The following LRPAP1 variants were observed in gnomAD, a reference collection of about 807,000 sequenced individuals.
LRPAP1 encodes alpha-2-macroglobulin receptor-associated protein.
A neutral mutation model predicts 39.9 loss-of-function variants in LRPAP1; 41 were observed. That is an observed-to-expected ratio of 1.03 (90% confidence interval 0.80 to 1.33). LRPAP1 has a LOEUF of 1.33. LRPAP1 is among the 40% of genes most tolerant of loss of function. LRPAP1 has a pLI of 0.00. For synonymous variants in LRPAP1, 263 were observed against 212.7 expected (o/e 1.24, Z -2.06); for missense variants, 565 against 482.3 (o/e 1.17, Z -1.61).
intron 2 of LRPAP1, among the ~76,000 whole-genome samples, chr4:3,521,637 C>G (rs969361852): frequency 6.6e-6 from 1 of 152,198 alleles, no homozygotes; most frequent in Non-Finnish European, 1.5e-5. Context: ...CCACACGCAG[C>G]ATGTGCTTCT....
intron 1 of LRPAP1, 125 bp from the exon 2 acceptor site, chr4:3,525,176 G>T (rs901120478): frequency 9.5e-7 from 1 of 1,054,698 alleles, no homozygotes; most frequent in Non-Finnish European, 1.4e-6. Context: ...TGGAGTCAGG[G>T]TCACTGTCAG....
chr4:3,518,940 C>T lies in LRPAP1; in HGVS notation c.523G>A (p.Glu175Lys). The T allele has an allele frequency of 6.2e-7, 1 of 1,614,022 alleles. No individual in the cohort carries two copies. Among genetic ancestry groups the T allele is most frequent in the Non-Finnish European group, 8.5e-7 (1 of 1,179,986 alleles). Residue 175 changes from glutamate (E) to lysine (K), a missense_variant, in exon 4 of 8, where the codon GAG (glutamate) becomes AAG (lysine). By Grantham distance (56) the Glu-to-Lys change is moderately conservative. Transcript: ENST00000650182. ...ACTTTCTCTTTGTGATGCAGGAACTCCCGCCAGAGCTTGTCCAGTTCTTCG... is the reference window on the plus strand; with the variant it reads ...ACTTTCTCTTTGTGATGCAGGAACTTCCGCCAGAGCTTGTCCAGTTCTTCG... ...SGEELDKLWR[E>K]FLHHKEKVHE... is the part of the protein sequence containing the mutation.
intron 2 of LRPAP1, among the ~76,000 whole-genome samples, chr4:3,523,303 T>C (rs1415638334): frequency 6.6e-6 from 1 of 152,202 alleles, no homozygotes; most frequent in Admixed American, 6.5e-5. Context: ...CCCTTGGGAA[T>C]GGCCCACTAG....
At chr4:3,525,425 T>C (rs986066238) in intron 1 of LRPAP1, among the ~76,000 whole-genome samples, 3 of 151,116 alleles carry the variant, frequency 2.0e-5, no homozygotes, top group Non-Finnish European at 2.9e-5. Flanking sequence ...CAGATACATA[T>C]TGCAAGGACA....
rs539476499 is a variant in LRPAP1 at position 3,523,008 on chromosome 4, T to C, written c.349+1899A>G. The stretch of plus-strand genomic sequence containing the variant: ...CGGGGAACTGGCCAGGACGAGCCTC[T>C]TTCCTGAGTGTGGGCAGGGTCTGCT... On this transcript the variant is annotated intron_variant, in intron 2 of 7. Coordinates refer to ENST00000650182, the MANE Select transcript of LRPAP1 (RefSeq NM_002337.4). 2.1e-3 allele frequency among the ~76,000 whole-genome samples: 323 copies of C among 152,248 alleles called. 1 individual carries two copies. Among genetic ancestry groups the C allele is most frequent in the African/African-American group, 7.4e-3 (309 of 41,534 alleles).
intron 2 of LRPAP1, among the ~76,000 whole-genome samples, chr4:3,524,323 C>T (rs981244548): frequency 7.2e-5 from 11 of 152,230 alleles, no homozygotes; most frequent in Non-Finnish European, 1.3e-4. Flanking sequence ...CCCACAGGGA[C>T]GAGGACTCAC....
Position 3,511,098 on chromosome 4 carries a change from C to G in LRPAP1, c.*1876G>C, listed in dbSNP as rs1416107972. The G allele has an allele frequency of 6.6e-6, 1 of 152,252 alleles. No individual in the cohort carries two copies. Among genetic ancestry groups the G allele is most frequent in the Non-Finnish European group, 1.5e-5 (1 of 68,062 alleles). The allele number at this position is 152,252 out of a possible 1,614,324, so 9.4% of individuals were successfully genotyped here. A position where few individuals can be genotyped will look rare whatever the true frequency, so the allele number is the denominator to read the frequency against. ...GCTGTCCATAATTAAAAATACCGAGCACCAAGTCTCAGCAATCCACTAGTG... is the reference window on the plus strand; with the variant it reads ...GCTGTCCATAATTAAAAATACCGAGGACCAAGTCTCAGCAATCCACTAGTG... On this transcript the variant is annotated 3_prime_UTR_variant, in exon 8 of 8. Coordinates refer to ENST00000650182, the MANE Select transcript of LRPAP1 (RefSeq NM_002337.4).
rs1235107793 is a variant in LRPAP1 at position 3,504,194 on chromosome 4, A to AGAC, written c.*8779_*8780insGTC. On this transcript the variant is annotated 3_prime_UTR_variant, in exon 8 of 8. Coordinates refer to ENST00000650182, the MANE Select transcript of LRPAP1 (RefSeq NM_002337.4). ...TCTGGCCTGCGGCCCTTCAGGGGTC[A>AGAC]GCATGACTTGTGTGGGTCAGAAAGC... The AGAC allele has an allele frequency of 6.6e-6, 1 of 152,340 alleles. No individual in the cohort carries two copies. Among genetic ancestry groups the AGAC allele is most frequent in the African/African-American group, 2.4e-5 (1 of 41,476 alleles). The allele number at this position is 152,340 out of a possible 1,614,324, so 9.4% of individuals were successfully genotyped here.
intron 5 of LRPAP1, among the ~76,000 whole-genome samples, chr4:3,516,438 C>A (rs949636362): frequency 9.4e-6 from 1 of 106,650 alleles, no homozygotes; most frequent in Non-Finnish European, 2.1e-5. Context: ...ACAACTGCTT[C>A]TCCTTTGTGT....
At chr4:3,514,283 G>A (rs1577203348) in intron 7 of LRPAP1, among the ~76,000 whole-genome samples, 1 of 152,244 alleles carries the variant, frequency 6.6e-6, no homozygotes, top group Non-Finnish European at 1.5e-5. Flanking sequence ...GCTCCCTCCA[G>A]AAAGAACTTG....
chr4:3,522,231 G>A (rs1190579363), intron 2 of LRPAP1, among the ~76,000 whole-genome samples: 1 of 152,226 alleles, frequency 6.6e-6, no homozygotes, highest in Admixed American at 6.5e-5. Context: ...GACGGGGAGG[G>A]TGGGCCATGT....
In LRPAP1 at chr4:3,532,355, G is replaced by A. The variant is rs759782230; in HGVS notation, c.58C>T (p.Leu20=). The A allele has an allele frequency of 6.3e-7, 1 of 1,593,810 alleles. No individual in the cohort carries two copies. Among genetic ancestry groups the A allele is most frequent in the Non-Finnish European group, 8.5e-7 (1 of 1,170,630 alleles). ...GCGGGCCAGGGCCCGAGGAAGAGCA[G>A]CAGCAGTAGCAGCGCCGGGAGCCCG... ...LRGLPALLLL[L]LFLGPWPAAS... The change falls in exon 1 of 8, where the codon CTG becomes TTG. Residue 20 remains leucine, a synonymous_variant. Coordinates refer to ENST00000650182, the MANE Select transcript of LRPAP1 (RefSeq NM_002337.4).
At chr4:3,531,402 C>G (rs1730248389) in intron 1 of LRPAP1, among the ~76,000 whole-genome samples, 1 of 152,222 alleles carries the variant, frequency 6.6e-6, no homozygotes, top group African/African-American at 2.4e-5. Flanking sequence ...GAGATCTAAT[C>G]TGACTCCTGC....
At chr4:3,527,152 A>T (rs1730102624) in intron 1 of LRPAP1, among the ~76,000 whole-genome samples, 1 of 152,048 alleles carries the variant, frequency 6.6e-6, no homozygotes. Context: ...GGATTGTCCC[A>T]ACCTGAAAAC....
intron 5 of LRPAP1, among the ~76,000 whole-genome samples, chr4:3,516,403 G>A (rs990972572): frequency 1.1e-5 from 1 of 94,062 alleles, no homozygotes; most frequent in African/African-American, 3.4e-5. Context: ...TCGCTGAAAT[G>A]TGGCTTCTCT....
rs2108686459 is a variant in LRPAP1 at position 3,512,200 on chromosome 4, G to A, written c.*774C>T. On this transcript the variant is annotated 3_prime_UTR_variant, in exon 8 of 8. Coordinates refer to ENST00000650182, the MANE Select transcript of LRPAP1 (RefSeq NM_002337.4). ...GCCAGTCCATCAGCTATGGTCAGAG[G>A]AAGGCCTCCGTGGCTGTCTCTCCCC... 6.6e-6 allele frequency: 1 copy of A among 152,498 alleles called. No homozygotes were observed. Among genetic ancestry groups the A allele is most frequent in the South Asian group, 2.1e-4 (1 of 4,848 alleles). The allele number at this position is 152,498 out of a possible 1,614,324, so 9.4% of individuals were successfully genotyped here.
Position 3,512,096 on chromosome 4 carries a change from G to A in LRPAP1, c.*878C>T, listed in dbSNP as rs1296472965. On this transcript the variant is annotated 3_prime_UTR_variant, in exon 8 of 8. Transcript: ENST00000650182. ...CTCTTCCAGGCTCAGACACGGGAAG[G>A]GAACCACGCCTGGAGCCAGACCCGA... The A allele has an allele frequency of 2.0e-5, 3 of 150,258 alleles. No homozygotes were observed. The highest frequency in any genetic ancestry group is 4.4e-5 in the Non-Finnish European group (3 of 67,558). The allele number at this position is 150,258 out of a possible 1,614,324, so 9.3% of individuals were successfully genotyped here.
intron 2 of LRPAP1, among the ~76,000 whole-genome samples, chr4:3,524,522 A>C (rs1416803472): frequency 6.6e-6 from 1 of 152,202 alleles, no homozygotes; most frequent in Non-Finnish European, 1.5e-5. Context: ...TGTGACAGCA[A>C]ACTGAGACCA....
In LRPAP1 at chr4:3,509,139, A is replaced by G. The variant is rs1266075755; in HGVS notation, c.*3835T>C. On this transcript the variant is annotated 3_prime_UTR_variant, in exon 8 of 8. Transcript: ENST00000650182. ...GAAAACATGCCAGACACATGCACAG[A>G]AAACTCCAGTTCATTGTTGGGAGAA... 1 of 152,324 alleles carries G rather than the reference A, an allele frequency of 6.6e-6. No individual in the cohort carries two copies. Among genetic ancestry groups the G allele is most frequent in the Non-Finnish European group, 1.5e-5 (1 of 68,068 alleles). The allele number at this position is 152,324 out of a possible 1,614,324, so 9.4% of individuals were successfully genotyped here.
Sources: allele counts gnomAD v4.1 joint callset (sites outside exome capture counted in the v4.1 genomes callset), GRCh38; gene constraint gnomAD v4.1.1; transcripts MANE v1.5; gene names NCBI Gene and HGNC (gene_info 2026-07-23, HGNC 2026-07-21).